The following KIRREL1 variants were observed in gnomAD, a reference collection of about 807,000 sequenced individuals.
KIRREL1 encodes the protein kin of IRRE-like protein 1.
A neutral mutation model predicts 83.3 loss-of-function variants in KIRREL1; 25 were observed. The ratio of observed to expected loss-of-function variants is 0.30; its 90% CI spans 0.22 to 0.42. The LOEUF is 0.42. Among genes scored for constraint, KIRREL1 ranks in the 10% least tolerant of loss-of-function variants. KIRREL1 has a pLI of 1.00. For missense variants in KIRREL1, 812 were observed against 1,032.3 expected (o/e 0.79, Z 2.92); for synonymous variants, 388 against 410.4 (o/e 0.95, Z 0.66).
At chr1:158,006,671 T>A (rs915273479) in intron 1 of KIRREL1, among the ~76,000 whole-genome samples, 4 of 152,226 alleles carry the variant, frequency 2.6e-5, no homozygotes, top group Admixed American at 1.3e-4. Context: ...CTTACCTGTC[T>A]AGTGTCCCCT....
At chr1:158,044,087 T>C (rs2101583368) in intron 1 of KIRREL1, among the ~76,000 whole-genome samples, 1 of 152,324 alleles carries the variant, frequency 6.6e-6, no homozygotes. Flanking sequence ...GCCAACCGCA[T>C]ACCAGGGACT....
chr1:158,023,661 C>A (rs1415552946), intron 1 of KIRREL1, among the ~76,000 whole-genome samples: 1 of 152,160 alleles, frequency 6.6e-6, no homozygotes, highest in Admixed American at 6.5e-5. Context: ...CATTAATATC[C>A]TGGGTGCACC....
intron 4 of KIRREL1, among the ~76,000 whole-genome samples, chr1:158,086,178 G>A (rs1662007540): frequency 6.6e-6 from 1 of 152,108 alleles, no homozygotes; most frequent in African/African-American, 2.4e-5. Flanking sequence ...AAAGTGTAAG[G>A]TCGGGGAGGA....
At chr1:158,079,791 C>T (rs1168516759) in intron 3 of KIRREL1, among the ~76,000 whole-genome samples, 4 of 152,216 alleles carry the variant, frequency 2.6e-5, no homozygotes, top group Admixed American at 6.5e-5. Context: ...TGAGTTTTCT[C>T]ATCAGTAACA....
rs75688661 is a variant in KIRREL1, at chr1:158,089,366, G to A, written c.1045-136G>A. The A allele has an allele frequency of 3.9e-5, 54 of 1,401,620 alleles. No homozygotes were observed. In the African/African-American group the frequency reaches 4.8e-4, roughly 12 times the overall value. The allele number at this position is 1,401,620 out of a possible 1,614,324, so 86.8% of individuals were successfully genotyped here. The stretch of plus-strand genomic sequence containing the variant: ...TCAGAGCATGGACCAAAATGGACTC[G>A]GGAACCCCATTTCCCTTCTGGGAAT... On this transcript the variant is annotated intron_variant, in intron 8 of 14. Coordinates refer to ENST00000359209, the MANE Select transcript of KIRREL1 (RefSeq NM_018240.7).
chr1:158,063,017 T>C (rs1175212859), intron 1 of KIRREL1, among the ~76,000 whole-genome samples: 1 of 152,230 alleles, frequency 6.6e-6, no homozygotes, highest in African/African-American at 2.4e-5. Context: ...CCACTTCCAA[T>C]TGCTCACTGG....
At chr1:158,029,366 T>TGCGCGCGC (rs1397956076) in intron 1 of KIRREL1, among the ~76,000 whole-genome samples, 4 of 148,928 alleles carry the variant, frequency 2.7e-5, no homozygotes, top group African/African-American at 1.0e-4. Context: ...TGTGTGTGTG[T>TGCGCGCGC]GCACGTGCGC....
intron 1 of KIRREL1, among the ~76,000 whole-genome samples, chr1:158,051,210 T>G (rs879625740): frequency 6.6e-6 from 1 of 152,154 alleles, no homozygotes; most frequent in Non-Finnish European, 1.5e-5. Flanking sequence ...ACTCGGTGCC[T>G]TCCCCTGTCC....
chr1:158,004,773 G>A (rs555402075), intron 1 of KIRREL1, among the ~76,000 whole-genome samples: 42 of 151,976 alleles, frequency 2.8e-4, no homozygotes, highest in Admixed American at 9.8e-4. Flanking sequence ...GTGAAACACC[G>A]TCTCTACTAA....
At chr1:158,064,161 A>C (rs1468225920) in intron 1 of KIRREL1, among the ~76,000 whole-genome samples, 1 of 152,194 alleles carries the variant, frequency 6.6e-6, no homozygotes, top group Non-Finnish European at 1.5e-5. Flanking sequence ...TTGCCTCAAG[A>C]AGTTTGCCAT....
intron 1 of KIRREL1, among the ~76,000 whole-genome samples, chr1:158,049,275 G>A (rs2101589395): frequency 6.6e-6 from 1 of 152,356 alleles, no homozygotes; most frequent in South Asian, 2.1e-4. Flanking sequence ...CACAGAGTTA[G>A]AGGATGCACA....
intron 1 of KIRREL1, among the ~76,000 whole-genome samples, chr1:158,053,732 C>A (rs1660968651): frequency 6.6e-6 from 1 of 152,178 alleles, no homozygotes; most frequent in African/African-American, 2.4e-5. Flanking sequence ...CATGTAAATT[C>A]CTCAAGGACA....
chr1:158,100,049 T>C lies in KIRREL1; in HGVS notation c.*4929T>C, dbSNP rs921324357. The C allele has an allele frequency of 3.3e-5, 5 of 152,054 alleles. No individual in the cohort carries two copies. Among genetic ancestry groups the C allele is most frequent in the Admixed American group, 6.6e-5 (1 of 15,252 alleles). The allele number at this position is 152,054 out of a possible 1,614,324, so 9.4% of individuals were successfully genotyped here. On this transcript the variant is annotated 3_prime_UTR_variant, in exon 15 of 15. Coordinates refer to ENST00000359209, the MANE Select transcript of KIRREL1 (RefSeq NM_018240.7). ...AAAATAAATGGATCCATGATGATAA[T>C]TAAGAGAAGAGAAAAAAAGATATTA...
chr1:157,999,049 C>G (rs1659284442), intron 1 of KIRREL1, among the ~76,000 whole-genome samples: 1 of 152,110 alleles, frequency 6.6e-6, no homozygotes, highest in Non-Finnish European at 1.5e-5. Flanking sequence ...CCTAGAAGAG[C>G]CACACCCTGC....
chr1:158,087,908 G>C, intron 6 of KIRREL1, 48 bp downstream of exon 6: 2 of 1,607,898 alleles, frequency 1.2e-6, no homozygotes, highest in Non-Finnish European at 8.5e-7. Flanking sequence ...ATAAGGAAGA[G>C]TTCGGGGTTA....
At chr1:158,060,252 C>G (rs1661177949) in intron 1 of KIRREL1, among the ~76,000 whole-genome samples, 1 of 152,194 alleles carries the variant, frequency 6.6e-6, no homozygotes, top group Admixed American at 6.5e-5. Flanking sequence ...CATCTGTCCT[C>G]TTTCACAGCT....
rs1662457659 is a variant in KIRREL1 at position 158,100,198 on chromosome 1, AAC to A, written c.*5083_*5084del. 1 of 149,352 alleles carries A rather than the reference AAC, an allele frequency of 6.7e-6. No individual in the cohort carries two copies. Among genetic ancestry groups the A allele is most frequent in the Non-Finnish European group, 1.5e-5 (1 of 67,488 alleles). The allele number at this position is 149,352 out of a possible 1,614,324, so 9.3% of individuals were successfully genotyped here. A position where few individuals can be genotyped will look rare whatever the true frequency, so the allele number is the denominator to read the frequency against. ...ATTATGTACTATATTTTTAGTCTCA[AAC>A]ACACTATATATTATATATATTTAAT... is the stretch of plus-strand genomic sequence containing the variant. On this transcript the variant is annotated 3_prime_UTR_variant, in exon 15 of 15. Coordinates refer to ENST00000359209, the MANE Select transcript of KIRREL1 (RefSeq NM_018240.7).
At chr1:158,033,262 G>A (rs1344814572) in intron 1 of KIRREL1, among the ~76,000 whole-genome samples, 1 of 151,106 alleles carries the variant, frequency 6.6e-6, no homozygotes, top group Non-Finnish European at 1.5e-5. Context: ...GGTAAAGACG[G>A]GGTTTCACCA....
intron 3 of KIRREL1, among the ~76,000 whole-genome samples, chr1:158,079,407 C>T (rs1333446035): frequency 6.6e-6 from 1 of 152,200 alleles, no homozygotes. Flanking sequence ...GTAATCTCCA[C>T]CTCCCGGGTT....
Sources: allele counts gnomAD v4.1 joint callset (sites outside exome capture counted in the v4.1 genomes callset), GRCh38; gene constraint gnomAD v4.1.1; transcripts MANE v1.5; gene names NCBI Gene and HGNC (gene_info 2026-07-23, HGNC 2026-07-21).